PACS1: variants seen among roughly 807,000 people sequenced by gnomAD.
PACS1 encodes phosphofurin acidic cluster sorting protein 1.
Under a neutral mutation model 115.0 loss-of-function variants are expected in PACS1, and 24 were observed. That is an observed-to-expected ratio of 0.21 (90% confidence interval 0.15 to 0.29). PACS1 has a LOEUF of 0.29. Ranked by LOEUF, PACS1 falls within the 10% of genes least tolerant of loss-of-function variation. The probability of loss-of-function intolerance (pLI) is 1.00; values close to 1 mark genes in which losing one functional copy is unlikely to be tolerated. For synonymous variants in PACS1, 453 were observed against 504.5 expected, an observed-to-expected ratio of 0.90 and a Z score of 1.37; for missense variants, 838 against 1,251.2, an observed-to-expected ratio of 0.67 and a Z score of 4.98.
intron 1 of PACS1, among the ~76,000 whole-genome samples, chr11:66,075,847 C>G (rs1428280597): frequency 6.6e-6 from 1 of 151,328 alleles, no homozygotes; most frequent in Non-Finnish European, 1.5e-5. Context: ...ACGCCATTCT[C>G]CTGCCTCAGC....
chr11:66,140,239 G>T (rs1169202875), intron 1 of PACS1, among the ~76,000 whole-genome samples: 1 of 152,188 alleles, frequency 6.6e-6, no homozygotes, highest in Non-Finnish European at 1.5e-5. Context: ...CTTTTAGAGG[G>T]TGCTGAAGCT....
intron 1 of PACS1, among the ~76,000 whole-genome samples, chr11:66,182,276 T>A (rs1011273118): frequency 2.6e-5 from 4 of 152,200 alleles, no homozygotes; most frequent in Non-Finnish European, 5.9e-5. Context: ...TTTCTTAGAA[T>A]CTTATGTCCC....
chr11:66,092,888 G>A, intron 1 of PACS1, among the ~76,000 whole-genome samples: 1 of 151,908 alleles, frequency 6.6e-6, no homozygotes, highest in East Asian at 1.9e-4. Flanking sequence ...CTATATCTCT[G>A]TTTGGTACCA....
chr11:66,223,588 C>T (rs1210309417), intron 10 of PACS1, among the ~76,000 whole-genome samples: 2 of 152,152 alleles, frequency 1.3e-5, no homozygotes, highest in Admixed American at 1.3e-4. Context: ...CAAACCCTAC[C>T]CCTGGCCATG....
chr11:66,235,643 A>G lies in PACS1; in HGVS notation c.2207+240A>G. On this transcript the variant is annotated intron_variant, in intron 18 of 23. Transcript: ENST00000320580. The surrounding 1 kb of genome is among the most constrained non-coding windows in gnomAD (Gnocchi z 5.6). Reference sequence around the variant, plus strand: ...CCTGCCCTTCAGTATAAAGCAGCCCATCCTCATAGCTGGAACTCAGACGTG... The same window carrying G: ...CCTGCCCTTCAGTATAAAGCAGCCCGTCCTCATAGCTGGAACTCAGACGTG... The G allele has an allele frequency of 1.7e-6, 1 of 605,434 alleles. No individual in the cohort carries two copies. The highest frequency in any genetic ancestry group is 3.0e-6 in the Non-Finnish European group (1 of 338,524). 37.5% of individuals were successfully genotyped at this position (605,434 alleles called of 1,614,324 possible). A position where few individuals can be genotyped will look rare whatever the true frequency, so the allele number is the denominator to read the frequency against.
rs562204282 is a variant in PACS1 at position 66,080,614 on chromosome 11, C to T, written c.356+9772C>T. ...GTGAAGGCATTTTTTTAAGACTACA[C>T]AGTTTAAAAGTGGGCGGGGCTGGAA... is the stretch of plus-strand genomic sequence containing the variant. On this transcript the variant is annotated intron_variant, in intron 1 of 23. Coordinates refer to ENST00000320580, the MANE Select transcript of PACS1 (RefSeq NM_018026.4). Among the ~76,000 whole-genome samples, 6 of 152,252 alleles carry T rather than the reference C, an allele frequency of 3.9e-5. No individual in the cohort carries two copies. In the South Asian group the frequency reaches 8.3e-4, roughly 21 times the overall value.
At chr11:66,175,065 C>A (rs546110228) in intron 1 of PACS1, among the ~76,000 whole-genome samples, 2 of 151,800 alleles carry the variant, frequency 1.3e-5, no homozygotes, top group Non-Finnish European at 2.9e-5. Context: ...GCAGGGTAAT[C>A]GCTTGAACCC....
chr11:66,225,386 T>C (rs755581312), intron 10 of PACS1, among the ~76,000 whole-genome samples: 4 of 152,164 alleles, frequency 2.6e-5, no homozygotes, highest in Non-Finnish European at 5.9e-5. Context: ...CTTTAGTGTT[T>C]ATAGAAGCAG....
chr11:66,155,955 G>A (rs1223710796), intron 1 of PACS1, among the ~76,000 whole-genome samples: 1 of 151,882 alleles, frequency 6.6e-6, no homozygotes. Context: ...CAGACCCAGA[G>A]GTGTACATGC....
intron 1 of PACS1, among the ~76,000 whole-genome samples, chr11:66,154,279 A>G (rs957717501): frequency 6.6e-6 from 1 of 152,122 alleles, no homozygotes. Context: ...TCTGCAAAAA[A>G]GTTTTAAAAA....
chr11:66,210,754 T>A (rs1432624145), intron 3 of PACS1, among the ~76,000 whole-genome samples: 1 of 152,222 alleles, frequency 6.6e-6, no homozygotes, highest in East Asian at 1.9e-4. Flanking sequence ...GCACACCCCG[T>A]GGACTGTGCC....
At chr11:66,091,140 TG>T (rs1181914448) in intron 1 of PACS1, among the ~76,000 whole-genome samples, 1 of 152,206 alleles carries the variant, frequency 6.6e-6, no homozygotes, top group African/African-American at 2.4e-5. Flanking sequence ...CTCCCTGGTT[TG>T]TTTTACTTAT....
intron 1 of PACS1, among the ~76,000 whole-genome samples, chr11:66,106,028 C>G (rs955970057): frequency 6.6e-6 from 1 of 152,308 alleles, no homozygotes; most frequent in Middle Eastern, 3.4e-3. Context: ...CTTATTCTGG[C>G]TAGCTTTTCC....
At position 66,070,920 on chromosome 11, in the gene PACS1, C is replaced by T; in HGVS notation, c.356+78C>T. On this transcript the variant is annotated intron_variant, in intron 1 of 23. Coordinates refer to ENST00000320580, the MANE Select transcript of PACS1 (RefSeq NM_018026.4). The surrounding 1 kb of genome is among the most constrained non-coding windows in gnomAD (Gnocchi z 5.9). ...GCCCAGCCCTCCCCGCCCCAGCGCC[C>T]ATGGGGTCCCCGCCCTCCATCTCCC... is the stretch of plus-strand genomic sequence containing the variant. 2.3e-6 allele frequency: 3 copies of T among 1,313,700 alleles called. No homozygotes were observed. The highest frequency in any genetic ancestry group is 2.9e-6 in the Non-Finnish European group (3 of 1,024,008). 81.4% of individuals were successfully genotyped at this position (1,313,700 alleles called of 1,614,324 possible). A position where few individuals can be genotyped will look rare whatever the true frequency, so the allele number is the denominator to read the frequency against.
At chr11:66,102,305 T>TATC (rs151257629) in intron 1 of PACS1, among the ~76,000 whole-genome samples, 2,535 of 143,682 alleles carry the variant, frequency 0.018, 66 homozygotes, top group African/African-American at 0.069. Flanking sequence ...TCGGATTTAC[T>TATC]ATTATTATTA....
In PACS1 at chr11:66,070,876, G is replaced by A; in HGVS notation, c.356+34G>A. ...GGGAGGGTGCGGCGGGGCGCCGGGG[G>A]AGCGGGGTGGCCGCCGGGGCCCAGC... is the stretch of plus-strand genomic sequence containing the variant. On this transcript the variant is annotated intron_variant, in intron 1 of 23. Coordinates refer to ENST00000320580, the MANE Select transcript of PACS1 (RefSeq NM_018026.4). The surrounding 1 kb of genome is among the most constrained non-coding windows in gnomAD (Gnocchi z 5.9). 1 of 1,409,828 alleles carries A rather than the reference G, an allele frequency of 7.1e-7. No individual in the cohort carries two copies. The highest frequency in any genetic ancestry group is 9.2e-7 in the Non-Finnish European group (1 of 1,092,270). 87.3% of individuals were successfully genotyped at this position (1,409,828 alleles called of 1,614,324 possible).
chr11:66,164,025 C>T (rs1413056473), intron 1 of PACS1, among the ~76,000 whole-genome samples: 4 of 152,070 alleles, frequency 2.6e-5, no homozygotes, highest in Non-Finnish European at 4.4e-5. Flanking sequence ...AGAAGCTGAA[C>T]TTTGTGGGAG....
At chr11:66,131,621 T>C (rs1294634115) in intron 1 of PACS1, among the ~76,000 whole-genome samples, 1 of 152,180 alleles carries the variant, frequency 6.6e-6, no homozygotes, top group Non-Finnish European at 1.5e-5. Flanking sequence ...TGCTTTTTGA[T>C]GTCTTACTTA....
intron 1 of PACS1, among the ~76,000 whole-genome samples, chr11:66,149,020 C>T (rs1042706835): frequency 1.3e-5 from 2 of 150,744 alleles, no homozygotes; most frequent in Non-Finnish European, 2.9e-5. Context: ...TGCATTTGGT[C>T]GAAAAGAGAT....
Sources: gnomAD v4.1 joint callset for allele counts (sites outside exome capture counted in the v4.1 genomes callset) on GRCh38, gnomAD v4.1.1 for gene constraint, Gnocchi (gnomAD v3.1) non-coding constraint, MANE v1.5 for transcripts, NCBI Gene and HGNC (gene_info 2026-07-23, HGNC 2026-07-21) for gene names.